Variants in TNFRSF11B observed in about 807,000 individuals in gnomAD.
TNFRSF11B encodes TNF receptor superfamily member 11b.
TNFRSF11B carries 16 observed loss-of-function variants against 43.4 expected under a neutral mutation model. That is an observed-to-expected ratio of 0.37 (90% CI 0.25 to 0.56). The LOEUF is 0.56. Among genes scored for constraint, TNFRSF11B ranks in the 20% least tolerant of loss-of-function variants. TNFRSF11B has a pLI of 0.80. For synonymous variants in TNFRSF11B, 185 were observed against 181.8 expected, an observed-to-expected ratio of 1.02 and a Z score of -0.14; for missense variants, 444 against 490.1, an observed-to-expected ratio of 0.91 and a Z score of 0.89.
intron 1 of TNFRSF11B, among the ~76,000 whole-genome samples, chr8:118,942,680 T>C (rs1812504484): frequency 6.6e-6 from 1 of 152,154 alleles, no homozygotes; most frequent in South Asian, 2.1e-4. Flanking sequence ...TAATGAGATA[T>C]GATTATCCCC....
At chr8:118,949,897 G>C (rs867125933) in intron 1 of TNFRSF11B, among the ~76,000 whole-genome samples, 3 of 152,280 alleles carry the variant, frequency 2.0e-5, no homozygotes, top group South Asian at 4.1e-4. Context: ...TAAATACAAA[G>C]TGTCCATTTG....
rs372458728 is a variant in TNFRSF11B at position 118,928,771 on chromosome 8, C to T, written c.559G>A (p.Gly187Arg). The change falls in exon 3 of 5, where the codon GGA (glycine) becomes AGA (arginine). Residue 187 changes from glycine to arginine, a missense_variant. Coordinates refer to ENST00000297350, the MANE Select transcript of TNFRSF11B (RefSeq NM_002546.4). ...CATTTTTGAGTTGATTCACTGTTTC[C>T]GGAACATATGTTGTCGTGTGTTGCA... ...GNATHDNICS[G>R]NSESTQKCGI... 176 of 1,614,022 alleles carry T rather than the reference C, an allele frequency of 1.1e-4. No homozygotes were observed. Among genetic ancestry groups the T allele is most frequent in the Non-Finnish European group, 1.4e-4 (161 of 1,180,030 alleles).
chr8:118,926,422 G>A, intron 4 of TNFRSF11B, 72 bp downstream of exon 4: 1 of 1,352,016 alleles, frequency 7.4e-7, no homozygotes. Context: ...CATACATGCA[G>A]TCTTGTTCCT....
rs559075496 is a variant in TNFRSF11B, at chr8:118,947,340, C to T, written c.30+4452G>A. 2.0e-5 allele frequency among the ~76,000 whole-genome samples: 3 copies of T among 152,132 alleles called. 1 individual carries two copies. The highest frequency in any genetic ancestry group is 7.2e-5 in the African/African-American group (3 of 41,492). ...CACCCTAGCAAATCTCTTTATAGCT[C>T]CTTTAACTCAGGAAACACACCTTAT... is the stretch of plus-strand genomic sequence containing the variant. On this transcript the variant is annotated intron_variant, in intron 1 of 4. Coordinates refer to ENST00000297350, the MANE Select transcript of TNFRSF11B (RefSeq NM_002546.4).
intron 2 of TNFRSF11B, among the ~76,000 whole-genome samples, chr8:118,931,654 AT>A (rs1812330941): frequency 6.6e-6 from 1 of 152,210 alleles, no homozygotes; most frequent in Admixed American, 6.5e-5. Flanking sequence ...ACGAAGAGGA[AT>A]TTTAAGGGAC....
chr8:118,935,499 A>G (rs11573894), intron 1 of TNFRSF11B, among the ~76,000 whole-genome samples: 2,405 of 152,306 alleles, frequency 0.016, 61 homozygotes, highest in African/African-American at 0.055. Context: ...AAGTAATGCA[A>G]GAAAGCAAGA....
chr8:118,928,695 A>G, intron 3 of TNFRSF11B, 43 bp downstream of exon 3: 1 of 1,600,092 alleles, frequency 6.2e-7, no homozygotes, highest in Non-Finnish European at 8.6e-7. Context: ...GAGAGAGATG[A>G]TACTACAAAA....
At chr8:118,940,566 C>A (rs879348652) in intron 1 of TNFRSF11B, among the ~76,000 whole-genome samples, 3 of 152,082 alleles carry the variant, frequency 2.0e-5, no homozygotes. Context: ...TGAAGGGACA[C>A]AAACATGGTA....
intron 3 of TNFRSF11B, among the ~76,000 whole-genome samples, chr8:118,927,887 A>ATAACCTGAACTTAATACTAGTGACC (rs1429114366): frequency 6.6e-6 from 1 of 152,196 alleles, no homozygotes. Flanking sequence ...ATGCATTCGA[A>ATAACCTGAACTTAATACTAGTGACC]TAACCTGAAC....
chr8:118,946,850 CAT>C (rs1812569747), intron 1 of TNFRSF11B, among the ~76,000 whole-genome samples: 1 of 152,132 alleles, frequency 6.6e-6, no homozygotes, highest in Non-Finnish European at 1.5e-5. Context: ...ATCTCTGAGA[CAT>C]GTTACAAACA....
intron 1 of TNFRSF11B, among the ~76,000 whole-genome samples, chr8:118,948,468 G>A (rs994687061): frequency 2.6e-5 from 4 of 152,120 alleles, no homozygotes; most frequent in African/African-American, 7.2e-5. Flanking sequence ...GGCTAGGAGA[G>A]CAAAAATACC....
chr8:118,936,336 T>C (rs1368237720), intron 1 of TNFRSF11B, among the ~76,000 whole-genome samples: 3 of 152,324 alleles, frequency 2.0e-5, no homozygotes, highest in Non-Finnish European at 4.4e-5. Context: ...GCAAGTTCAA[T>C]TGGGCCTCTG....
chr8:118,936,790 G>A (rs772785594), intron 1 of TNFRSF11B, among the ~76,000 whole-genome samples: 24 of 151,976 alleles, frequency 1.6e-4, no homozygotes, highest in Non-Finnish European at 2.1e-4. Flanking sequence ...GCGACAGAGC[G>A]AGACTCTGTC....
In TNFRSF11B at chr8:118,926,629, G is replaced by T. The variant is rs1487025404; in HGVS notation, c.682C>A (p.Pro228Thr). The change falls in exon 4 of 5, where the codon CCT becomes ACT. Residue 228 changes from proline to threonine, a missense_variant. Coordinates refer to ENST00000297350, the MANE Select transcript of TNFRSF11B (RefSeq NM_002546.4). ...CTCTCTGCGTTTACTTTGGTGCCAG[G>T]CAAATTGTCTACCAAGACACTAAGC... ...NWLSVLVDNL[P>T]GTKVNAESVE... 6.2e-7 allele frequency: 1 copy of T among 1,614,058 alleles called. No individual in the cohort carries two copies.
chr8:118,933,002 C>T lies in TNFRSF11B; in HGVS notation c.329G>A (p.Gly110Glu). ...THNRVCECKE[G>E]RYLEIEFCLK... ...GCAGAACTCTATCTCAAGGTAGCGCCCTTCCTTGCATTCGCACACGCGGTT... is the reference window on the plus strand; with the variant it reads ...GCAGAACTCTATCTCAAGGTAGCGCTCTTCCTTGCATTCGCACACGCGGTT... The change falls in exon 2 of 5, where the codon GGG (glycine) becomes GAG (glutamate). Residue 110 changes from glycine to glutamate, a missense_variant. Physicochemically the swap from Gly to Glu is moderately conservative, Grantham distance 98. Coordinates refer to ENST00000297350, the MANE Select transcript of TNFRSF11B (RefSeq NM_002546.4). 7 of 1,614,168 alleles carry T rather than the reference C, an allele frequency of 4.3e-6. No individual in the cohort carries two copies. The highest frequency in any genetic ancestry group is 5.9e-6 in the Non-Finnish European group (7 of 1,180,028).
At chr8:118,928,708 GT>G (rs1376581956) in intron 3 of TNFRSF11B, 29 bp downstream of exon 3, 7 of 1,607,746 alleles carry the variant, frequency 4.4e-6, no homozygotes, top group African/African-American at 1.3e-5. Flanking sequence ...CTACAAAATC[GT>G]ACAAAGACGT....
chr8:118,926,257 G>T (rs959296578), intron 4 of TNFRSF11B, among the ~76,000 whole-genome samples: 5 of 152,178 alleles, frequency 3.3e-5, no homozygotes, highest in Admixed American at 6.5e-5. Context: ...TCTTCTCTTA[G>T]AGTGTTCAAC....
At position 118,928,917 on chromosome 8, in the gene TNFRSF11B, C is replaced by T. The variant is rs752583333; in HGVS notation, c.413G>A (p.Arg138Gln). Residue 138 changes from arginine to glutamine, a missense_variant, in exon 3 of 5, where the codon CGA becomes CAA. Coordinates refer to ENST00000297350, the MANE Select transcript of TNFRSF11B (RefSeq NM_002546.4). ...FGVVQAGTPE[R>Q]NTVCKRCPDG... ...TGGACATCTTTTGCAAACTGTATTT[C>T]GCTCTGGGGTTCCTACAGAAAATAC... 2.5e-6 allele frequency: 4 copies of T among 1,614,142 alleles called. No homozygotes were observed. Among genetic ancestry groups the T allele is most frequent in the East Asian group, 2.2e-5 (1 of 44,878 alleles).
At chr8:118,926,347 A>T (rs1812243380) in intron 4 of TNFRSF11B, 147 bp downstream of exon 4, 1 of 736,926 alleles carries the variant, frequency 1.4e-6, no homozygotes, top group Admixed American at 2.4e-5. Context: ...CTACATTATC[A>T]GTTGGTGGAA....
Sources: allele counts gnomAD v4.1 joint callset (sites outside exome capture counted in the v4.1 genomes callset), GRCh38; gene constraint gnomAD v4.1.1; transcripts MANE v1.5; gene names NCBI Gene and HGNC (gene_info 2026-07-23, HGNC 2026-07-21).